AGBL4: variants seen among roughly 807,000 people sequenced by gnomAD.
The protein encoded by AGBL4 is cytosolic carboxypeptidase 6.
AGBL4 carries 58 observed loss-of-function variants against 66.4 expected under a neutral mutation model. That is an observed-to-expected ratio of 0.87 (90% CI 0.71 to 1.09). AGBL4 has a LOEUF of 1.09. AGBL4 is among the 50% of genes least tolerant of loss of function. The pLI, the probability that AGBL4 is intolerant of heterozygous loss-of-function variation, is 0.00. For synonymous variants in AGBL4, 234 were observed against 222.9 expected (o/e 1.05, Z -0.44); for missense variants, 579 against 631.0 (o/e 0.92, Z 0.88).
intron 3 of AGBL4, among the ~76,000 whole-genome samples, chr1:49,565,132 G>T (rs1266701941): frequency 1.3e-5 from 2 of 152,090 alleles, no homozygotes; most frequent in African/African-American, 4.8e-5. Context: ...TGCAACCCCT[G>T]CCTTTTTTTG....
Position 49,668,212 on chromosome 1 carries a change from G to A in AGBL4, c.282+29101C>T, listed in dbSNP as rs75771618. On this transcript the variant is annotated intron_variant, in intron 3 of 13. Coordinates refer to ENST00000371839, the MANE Select transcript of AGBL4 (RefSeq NM_032785.4). ...CTTACTCCAGCAATTTTTAAATTTC[G>A]TAAGAAATAATGTAGCTTTGTAGTA... 2.6e-3 allele frequency among the ~76,000 whole-genome samples: 393 copies of A among 152,148 alleles called. 5 individuals carry two copies. Among genetic ancestry groups the A allele is most frequent in the African/African-American group, 8.8e-3 (366 of 41,530 alleles).
chr1:49,359,375 G>T (rs1644089601), intron 3 of AGBL4, among the ~76,000 whole-genome samples: 1 of 152,166 alleles, frequency 6.6e-6, no homozygotes, highest in African/African-American at 2.4e-5. Flanking sequence ...TCACAAGTCT[G>T]AGGTAATAGT....
chr1:49,565,775 T>C (rs1393193093), intron 3 of AGBL4, among the ~76,000 whole-genome samples: 2 of 152,206 alleles, frequency 1.3e-5, no homozygotes, highest in Admixed American at 1.3e-4. Flanking sequence ...GACAAGTATG[T>C]GTCTCGGAGT....
chr1:49,995,060 G>T (rs1407473525), intron 1 of AGBL4: 1 of 450,654 alleles, frequency 2.2e-6, no homozygotes, highest in African/African-American at 2.0e-5. Context: ...CACTAGAATT[G>T]GGGAAAGACT....
intron 1 of AGBL4, among the ~76,000 whole-genome samples, chr1:49,945,791 A>G (rs186411021): frequency 6.6e-6 from 1 of 152,238 alleles, no homozygotes; most frequent in Non-Finnish European, 1.5e-5. Flanking sequence ...AGAATTCATC[A>G]ACTAACAATC....
At chr1:49,731,813 C>T (rs1649474819) in intron 2 of AGBL4, among the ~76,000 whole-genome samples, 1 of 152,028 alleles carries the variant, frequency 6.6e-6, no homozygotes, top group Non-Finnish European at 1.5e-5. Context: ...GGCAAATTCT[C>T]CCCCAAAAAG....
chr1:48,966,638 C>A (rs902466645), intron 5 of AGBL4, among the ~76,000 whole-genome samples: 1 of 152,200 alleles, frequency 6.6e-6, no homozygotes, highest in African/African-American at 2.4e-5. Flanking sequence ...TGGTACAATT[C>A]ATCATGGGGA....
chr1:49,125,227 T>C (rs1459751598), intron 4 of AGBL4, among the ~76,000 whole-genome samples: 1 of 152,166 alleles, frequency 6.6e-6, no homozygotes, highest in Non-Finnish European at 1.5e-5. Context: ...AATTTAGATA[T>C]CTGAAACAAT....
intron 5 of AGBL4, among the ~76,000 whole-genome samples, chr1:48,895,548 T>C (rs1055074523): frequency 1.3e-5 from 2 of 152,246 alleles, no homozygotes; most frequent in African/African-American, 4.8e-5. Context: ...AGAGAGCTGA[T>C]TGCACTGAAG....
intron 3 of AGBL4, among the ~76,000 whole-genome samples, chr1:49,339,228 T>C (rs1409263417): frequency 6.6e-6 from 1 of 152,326 alleles, no homozygotes; most frequent in Admixed American, 6.5e-5. Flanking sequence ...TAAAATACTT[T>C]CAATGTTATT....
chr1:48,527,750 A>C, the AGBL4 span, among the ~76,000 whole-genome samples: 2,171 of 152,242 alleles, frequency 0.014, 28 homozygotes, highest in South Asian at 0.025. Flanking sequence ...TTCTTAGTTA[A>C]GAGGAACAGA....
chr1:48,937,794 C>A (rs1348011019), intron 5 of AGBL4, among the ~76,000 whole-genome samples: 1 of 152,156 alleles, frequency 6.6e-6, no homozygotes, highest in African/African-American at 2.4e-5. Flanking sequence ...TTAACCATGT[C>A]TCTGGGGCTA....
chr1:49,227,439 A>G (rs1190620261), intron 4 of AGBL4, among the ~76,000 whole-genome samples: 5 of 152,260 alleles, frequency 3.3e-5, no homozygotes, highest in East Asian at 1.9e-4. Flanking sequence ...TGATTCATCA[A>G]AAAAGTCATC....
chr1:48,833,800 A>G (rs540360151), intron 6 of AGBL4, among the ~76,000 whole-genome samples: 1 of 152,340 alleles, frequency 6.6e-6, no homozygotes, highest in South Asian at 2.1e-4. Flanking sequence ...ATAAAAACAT[A>G]GAGCTATTTA....
chr1:49,625,537 A>C (rs1645448387), intron 3 of AGBL4, among the ~76,000 whole-genome samples: 1 of 152,174 alleles, frequency 6.6e-6, no homozygotes. Flanking sequence ...CTTATCAAAG[A>C]AGCACACTGC....
chr1:49,514,290 CT>C (rs1470452867), intron 3 of AGBL4, among the ~76,000 whole-genome samples: 1 of 151,916 alleles, frequency 6.6e-6, no homozygotes, highest in African/African-American at 2.4e-5. Context: ...GCATCCCTAT[CT>C]TGTGCCAGTT....
At chr1:48,635,362 A>G (rs992404118) in intron 8 of AGBL4, among the ~76,000 whole-genome samples, 2 of 152,140 alleles carry the variant, frequency 1.3e-5, no homozygotes, top group African/African-American at 4.8e-5. Context: ...GACTGGGAGA[A>G]CCCCATTTCT....
At chr1:49,289,743 A>T (rs1381251411) in intron 3 of AGBL4, among the ~76,000 whole-genome samples, 1 of 152,172 alleles carries the variant, frequency 6.6e-6, no homozygotes. Context: ...CATAGCCTTA[A>T]ATTGCATATA....
chr1:49,567,380 C>T (rs1014139700), intron 3 of AGBL4, among the ~76,000 whole-genome samples: 1 of 152,194 alleles, frequency 6.6e-6, no homozygotes, highest in African/African-American at 2.4e-5. Flanking sequence ...AATCACCCGT[C>T]TTCTGCATCA....
Sources: gnomAD v4.1 joint callset for allele counts (sites outside exome capture counted in the v4.1 genomes callset) on GRCh38, gnomAD v4.1.1 for gene constraint, MANE v1.5 for transcripts, NCBI Gene and HGNC (gene_info 2026-07-23, HGNC 2026-07-21) for gene names.